The following ZRANB3 variants were observed in gnomAD, a reference collection of about 807,000 sequenced individuals.
The protein encoded by ZRANB3 is zinc finger RANBP2-type containing 3, also known as DNA annealing helicase and endonuclease ZRANB3.
Under a neutral mutation model 133.8 loss-of-function variants are expected in ZRANB3, and 125 were observed. That is an observed-to-expected ratio of 0.93 (90% confidence interval 0.81 to 1.08). The LOEUF is 1.08. Among genes scored for constraint, ZRANB3 ranks in the 50% least tolerant of loss-of-function variants. ZRANB3 has a pLI of 0.00. For synonymous variants in ZRANB3, 387 were observed against 432.7 expected, an observed-to-expected ratio of 0.89 and a Z score of 1.31; for missense variants, 1,229 against 1,275.5, an observed-to-expected ratio of 0.96 and a Z score of 0.56.
At chr2:135,404,807 TAAAGA>T (rs1305530414) in intron 2 of ZRANB3, among the ~76,000 whole-genome samples, 2 of 152,106 alleles carry the variant, frequency 1.3e-5, no homozygotes, top group Non-Finnish European at 2.9e-5. Context: ...TCAACATTCT[TAAAGA>T]AAAGAATTTT....
In ZRANB3 at chr2:135,459,952, T is replaced by C. The variant is rs181804049; in HGVS notation, c.161+44377A>G. On this transcript the variant is annotated intron_variant, in intron 2 of 20. Coordinates refer to ENST00000264159, the MANE Select transcript of ZRANB3 (RefSeq NM_032143.4). ...CTCTGGTTCTGAAGTATTTTTTTCC[T>C]GTCAATCTCATTCTCATGGGTACTT... 1.2e-3 allele frequency among the ~76,000 whole-genome samples: 188 copies of C among 152,228 alleles called. 1 individual carries two copies. The highest frequency in any genetic ancestry group is 7.1e-3 in the East Asian group (37 of 5,188).
At chr2:135,505,292 C>T (rs369614312) in intron 1 of ZRANB3, among the ~76,000 whole-genome samples, 32 of 152,126 alleles carry the variant, frequency 2.1e-4, no homozygotes, top group Middle Eastern at 3.4e-3. Context: ...AAAAAGTTTG[C>T]GGGCCAGGCG....
chr2:135,277,508 T>C (rs1319043909), intron 8 of ZRANB3, among the ~76,000 whole-genome samples: 3 of 152,002 alleles, frequency 2.0e-5, no homozygotes, highest in African/African-American at 4.8e-5. Context: ...AAGATCAGTA[T>C]GCTACAAAAA....
chr2:135,271,497 T>C (rs1424164829), intron 10 of ZRANB3: 8 of 509,840 alleles, frequency 1.6e-5, no homozygotes, highest in Admixed American at 1.5e-4. Context: ...GCAAAAATAT[T>C]ACAATCAAAT....
At chr2:135,481,664 G>A (rs1691817541) in intron 2 of ZRANB3, among the ~76,000 whole-genome samples, 1 of 150,150 alleles carries the variant, frequency 6.7e-6, no homozygotes, top group African/African-American at 2.5e-5. Flanking sequence ...CATTGCTTTT[G>A]GTGTTTTAGA....
In ZRANB3 at chr2:135,517,971, T is replaced by C. The variant is rs1203141419; in HGVS notation, c.-8+13156A>G. Among the ~76,000 whole-genome samples, 6 of 152,240 alleles carry C rather than the reference T, an allele frequency of 3.9e-5. 1 individual carries two copies. The South Asian group carries it at 8.3e-4, about 21-fold the overall frequency. ...ATGCCCTGCTCAGAGAGGAGGAATA[T>C]AGAGAGGCATTCTGGCTAGAGTGGC... On this transcript the variant is annotated intron_variant, in intron 1 of 20. Coordinates refer to ENST00000264159, the MANE Select transcript of ZRANB3 (RefSeq NM_032143.4).
In ZRANB3 at chr2:135,518,969, G is replaced by GCT. The variant is rs1196553734; in HGVS notation, c.-8+12157_-8+12158insAG. On this transcript the variant is annotated intron_variant, in intron 1 of 20. Transcript: ENST00000264159. ...AGAATTTGGAGCTGATTGTTGGACA[G>GCT]GGGAAACTGTTTCTGTCCCTCAGAT... is the stretch of plus-strand genomic sequence containing the variant. 8.1e-4 allele frequency among the ~76,000 whole-genome samples: 124 copies of GCT among 152,278 alleles called. 1 individual carries two copies. Among genetic ancestry groups the GCT allele is most frequent in the African/African-American group, 2.6e-3 (110 of 41,562 alleles).
At chr2:135,402,891 A>G (rs115017686) in intron 2 of ZRANB3, among the ~76,000 whole-genome samples, 5 of 152,006 alleles carry the variant, frequency 3.3e-5, no homozygotes, top group Non-Finnish European at 7.4e-5. Context: ...TGGCCAGTCC[A>G]TTCTTTTTCA....
At position 135,479,506 on chromosome 2, in the gene ZRANB3, G is replaced by T. The variant is rs146373818; in HGVS notation, c.161+24823C>A. Among the ~76,000 whole-genome samples, 31 of 152,104 alleles carry T rather than the reference G, an allele frequency of 2.0e-4. No homozygotes were observed. The East Asian group carries it at 5.8e-3, about 29-fold the overall frequency. ...AAAAATTAGCCAGACATGATGGCGGGTGCCTGTAACCCCAGCTACTCGGAA... is the reference window on the plus strand; with the variant it reads ...AAAAATTAGCCAGACATGATGGCGGTTGCCTGTAACCCCAGCTACTCGGAA... On this transcript the variant is annotated intron_variant, in intron 2 of 20. Coordinates refer to ENST00000264159, the MANE Select transcript of ZRANB3 (RefSeq NM_032143.4).
chr2:135,232,925 G>A (rs1208022824), intron 12 of ZRANB3, among the ~76,000 whole-genome samples: 3 of 152,160 alleles, frequency 2.0e-5, no homozygotes, highest in East Asian at 3.8e-4. Context: ...CACCAGCAAC[G>A]GAACAAAGCT....
At chr2:135,372,450 A>T (rs535651603) in intron 3 of ZRANB3, among the ~76,000 whole-genome samples, 1 of 152,242 alleles carries the variant, frequency 6.6e-6, no homozygotes, top group East Asian at 1.9e-4. Context: ...CATGCTTAGG[A>T]TAACTGGAGG....
chr2:135,403,103 G>A (rs1374286422), intron 2 of ZRANB3, among the ~76,000 whole-genome samples: 1 of 152,078 alleles, frequency 6.6e-6, no homozygotes, highest in Non-Finnish European at 1.5e-5. Flanking sequence ...TCGGAAAGTG[G>A]GTGCAGGACA....
chr2:135,212,446 T>C (rs1694130826), intron 17 of ZRANB3, among the ~76,000 whole-genome samples: 1 of 152,200 alleles, frequency 6.6e-6, no homozygotes, highest in East Asian at 1.9e-4. Flanking sequence ...AAAAACCTAA[T>C]TCAGTAACTA....
intron 8 of ZRANB3, among the ~76,000 whole-genome samples, chr2:135,276,105 A>G (rs1478069485): frequency 6.6e-6 from 1 of 152,138 alleles, no homozygotes; most frequent in African/African-American, 2.4e-5. Flanking sequence ...AAGTTTATAT[A>G]TAAGACCAAG....
chr2:135,313,972 C>T (rs1360602396), intron 7 of ZRANB3, among the ~76,000 whole-genome samples: 4 of 152,152 alleles, frequency 2.6e-5, no homozygotes, highest in Non-Finnish European at 4.4e-5. Flanking sequence ...TCAAGCGATT[C>T]GCCTGCCTCA....
chr2:135,279,087 A>C (rs1267354281), intron 8 of ZRANB3, among the ~76,000 whole-genome samples: 1 of 152,188 alleles, frequency 6.6e-6, no homozygotes, highest in Non-Finnish European at 1.5e-5. Flanking sequence ...AATACTAAAA[A>C]AAAAATCAGC....
At chr2:135,352,964 A>G (rs955420131) in intron 4 of ZRANB3, among the ~76,000 whole-genome samples, 2 of 152,160 alleles carry the variant, frequency 1.3e-5, no homozygotes, top group Non-Finnish European at 2.9e-5. Flanking sequence ...AACACAAAGC[A>G]AATATTTTCA....
intron 2 of ZRANB3, among the ~76,000 whole-genome samples, chr2:135,487,068 T>C (rs1692156138): frequency 6.6e-6 from 1 of 152,216 alleles, no homozygotes; most frequent in Non-Finnish European, 1.5e-5. Context: ...AAATTACTCC[T>C]GGATACATGG....
chr2:135,355,131 G>T, intron 3 of ZRANB3: 1 of 724,026 alleles, frequency 1.4e-6, no homozygotes, highest in Non-Finnish European at 1.7e-6. Flanking sequence ...TTTCCATTGA[G>T]AAAACTTTAT....
Sources: allele counts gnomAD v4.1 joint callset (sites outside exome capture counted in the v4.1 genomes callset), GRCh38; gene constraint gnomAD v4.1.1; transcripts MANE v1.5; gene names NCBI Gene and HGNC (gene_info 2026-07-23, HGNC 2026-07-21).